ATRNL1: variants seen among roughly 807,000 people sequenced by gnomAD.
The protein encoded by ATRNL1 is attractin like 1, also known as attractin-like protein 1.
Under a neutral mutation model 182.7 loss-of-function variants are expected in ATRNL1, and 95 were observed. The ratio of observed to expected loss-of-function variants is 0.52; its 90% CI spans 0.44 to 0.62. The LOEUF is 0.62. Ranked by LOEUF, ATRNL1 falls within the 20% of genes least tolerant of loss-of-function variation. ATRNL1 has a pLI of 0.00. For synonymous variants in ATRNL1, 576 were observed against 568.3 expected (o/e 1.01, Z -0.19); for missense variants, 1,471 against 1,679.5 (o/e 0.88, Z 2.17).
chr10:115,666,493 A>T (rs1861005943), intron 26 of ATRNL1, among the ~76,000 whole-genome samples: 1 of 152,138 alleles, frequency 6.6e-6, no homozygotes, highest in Admixed American at 6.6e-5. Flanking sequence ...ATTAAAATAG[A>T]GTTCAGACTT....
At chr10:115,805,604 T>G (rs368895805) in intron 27 of ATRNL1, among the ~76,000 whole-genome samples, 1 of 152,164 alleles carries the variant, frequency 6.6e-6, no homozygotes, top group South Asian at 2.1e-4. Flanking sequence ...CTTAGTTCTA[T>G]GTAGTATCAC....
At chr10:115,426,917 G>A (rs1554963034) in intron 21 of ATRNL1, among the ~76,000 whole-genome samples, 1 of 152,120 alleles carries the variant, frequency 6.6e-6, no homozygotes, top group Admixed American at 6.6e-5. Flanking sequence ...TAGAGTTGGG[G>A]TTTTGCCACG....
intron 27 of ATRNL1, among the ~76,000 whole-genome samples, chr10:115,837,885 A>T (rs1215277917): frequency 6.6e-6 from 1 of 152,194 alleles, no homozygotes; most frequent in Non-Finnish European, 1.5e-5. Context: ...AACTATTAAC[A>T]TTGACCCATA....
intron 26 of ATRNL1, among the ~76,000 whole-genome samples, chr10:115,688,908 T>G (rs1946303754): frequency 6.6e-6 from 1 of 152,184 alleles, no homozygotes; most frequent in African/African-American, 2.4e-5. Context: ...TCTATGTTTC[T>G]TCTAGTAGTT....
At chr10:115,810,314 A>G (rs1206023446) in intron 27 of ATRNL1, among the ~76,000 whole-genome samples, 1 of 151,938 alleles carries the variant, frequency 6.6e-6, no homozygotes, top group South Asian at 2.1e-4. Flanking sequence ...GACTGGGGAC[A>G]TGTTTCCTCC....
At chr10:115,639,904 A>C (rs890182815) in intron 26 of ATRNL1, among the ~76,000 whole-genome samples, 1 of 151,994 alleles carries the variant, frequency 6.6e-6, no homozygotes, top group African/African-American at 2.4e-5. Context: ...TGTTGCGCCC[A>C]TCAACCGTCA....
intron 26 of ATRNL1, among the ~76,000 whole-genome samples, chr10:115,713,675 T>TTCTATCTATA (rs1947141377): frequency 8.8e-6 from 1 of 114,212 alleles, no homozygotes; most frequent in South Asian, 3.3e-4. Context: ...AGGTTCTGTT[T>TTCTATCTATA]TCTATCTATC....
rs536865017 is a variant in ATRNL1, at chr10:115,506,472, G to A, written c.3655-12791G>A. Reference sequence around the variant, plus strand: ...AAACCCCAATTTAGCTACTTACCTAGGGATGGGTCTCAGGCTGAAGACCGT... The same window carrying A: ...AAACCCCAATTTAGCTACTTACCTAAGGATGGGTCTCAGGCTGAAGACCGT... On this transcript the variant is annotated intron_variant, in intron 24 of 28. Coordinates refer to ENST00000355044, the MANE Select transcript of ATRNL1 (RefSeq NM_207303.4). Among the ~76,000 whole-genome samples the A allele has an allele frequency of 4.6e-5, 7 of 152,104 alleles. No homozygotes were observed. The South Asian group carries it at 1.2e-3, about 27-fold the overall frequency.
intron 21 of ATRNL1, among the ~76,000 whole-genome samples, chr10:115,443,926 GCAAC>G (rs1554966169): frequency 1.3e-5 from 2 of 151,972 alleles, no homozygotes; most frequent in African/African-American, 4.8e-5. Flanking sequence ...TTGAGTGTAT[GCAAC>G]TAATAAAGTA....
intron 21 of ATRNL1, among the ~76,000 whole-genome samples, chr10:115,437,138 G>A (rs1013776072): frequency 4.6e-5 from 7 of 151,984 alleles, no homozygotes; most frequent in African/African-American, 1.7e-4. Context: ...AAAAAGGACA[G>A]CATGTACAAA....
intron 1 of ATRNL1, among the ~76,000 whole-genome samples, chr10:115,118,853 CT>C (rs1363389383): frequency 6.6e-6 from 1 of 152,068 alleles, no homozygotes; most frequent in African/African-American, 2.4e-5. Context: ...TGTCCTTTAA[CT>C]TTTTAAGTTG....
intron 8 of ATRNL1, among the ~76,000 whole-genome samples, chr10:115,189,869 A>G (rs979043082): frequency 1.3e-5 from 2 of 152,052 alleles, no homozygotes; most frequent in Admixed American, 6.6e-5. Context: ...ATCCAGAGCA[A>G]CTTCCAGTCC....
intron 21 of ATRNL1, among the ~76,000 whole-genome samples, chr10:115,458,292 G>A (rs1413341821): frequency 6.6e-6 from 1 of 152,110 alleles, no homozygotes; most frequent in Non-Finnish European, 1.5e-5. Context: ...TAGTTAAGTG[G>A]AAAATTGTGC....
chr10:115,472,580 T>C (rs1274641369), intron 24 of ATRNL1, among the ~76,000 whole-genome samples: 1 of 151,106 alleles, frequency 6.6e-6, no homozygotes, highest in African/African-American at 2.4e-5. Flanking sequence ...AACTTATTCT[T>C]AAGTATTTTA....
intron 27 of ATRNL1, among the ~76,000 whole-genome samples, chr10:115,752,342 G>A (rs1393166304): frequency 2.6e-5 from 4 of 151,962 alleles, no homozygotes; most frequent in South Asian, 2.1e-4. Flanking sequence ...AAGATTTTGC[G>A]CTCATTCAGT....
chr10:115,738,743 A>G (rs1255163440), intron 27 of ATRNL1, among the ~76,000 whole-genome samples: 1 of 152,152 alleles, frequency 6.6e-6, no homozygotes, highest in African/African-American at 2.4e-5. Flanking sequence ...CATGATATAA[A>G]TAGAACTATT....
At chr10:115,539,442 G>T (rs1455325843) in intron 25 of ATRNL1, among the ~76,000 whole-genome samples, 4 of 152,214 alleles carry the variant, frequency 2.6e-5, no homozygotes, top group African/African-American at 9.6e-5. Context: ...AGCAGGCAGA[G>T]CAGAGAAGAA....
chr10:115,633,984 T>C (rs1858696553), intron 26 of ATRNL1, among the ~76,000 whole-genome samples: 1 of 152,114 alleles, frequency 6.6e-6, no homozygotes, highest in Admixed American at 6.6e-5. Flanking sequence ...GGATTGCCAG[T>C]ACTATCACAG....
chr10:115,852,679 T>C (rs1951084023), intron 28 of ATRNL1, among the ~76,000 whole-genome samples: 2 of 152,150 alleles, frequency 1.3e-5, no homozygotes, highest in African/African-American at 4.8e-5. Context: ...CATCACTGTG[T>C]CCCTGTGGAT....
Sources: allele counts gnomAD v4.1 joint callset (sites outside exome capture counted in the v4.1 genomes callset), GRCh38; gene constraint gnomAD v4.1.1; transcripts MANE v1.5; gene names NCBI Gene and HGNC (gene_info 2026-07-23, HGNC 2026-07-21).